Variants in PCDHA12 observed in about 807,000 individuals in gnomAD.
PCDHA12 encodes protocadherin alpha-12.
PCDHA12 carries 44 observed loss-of-function variants against 60.0 expected under a neutral mutation model. The observed-to-expected ratio is 0.73, with a 90% CI of 0.58 to 0.94. The LOEUF is 0.94. Among genes scored for constraint, PCDHA12 ranks in the 40% least tolerant of loss-of-function variants. The pLI is 0.00. For synonymous variants in PCDHA12, 569 were observed against 553.0 expected, an observed-to-expected ratio of 1.03 and a Z score of -0.40; for missense variants, 1,276 against 1,239.7, an observed-to-expected ratio of 1.03 and a Z score of -0.44.
chr5:140,926,919 A>C (rs782148872), intron 1 of PCDHA12: 2 of 1,566,668 alleles, frequency 1.3e-6, no homozygotes, highest in South Asian at 2.4e-5. Flanking sequence ...TGGCAGTTTT[A>C]TGTTTGTGGG....
At chr5:140,892,283 C>T (rs1554185144) in intron 1 of PCDHA12, among the ~76,000 whole-genome samples, 1 of 152,172 alleles carries the variant, frequency 6.6e-6, no homozygotes, top group African/African-American at 2.4e-5. Context: ...GTATTAAACA[C>T]TTCTTCCTGG....
At chr5:141,004,495 C>T (rs1363359146) in intron 3 of PCDHA12, among the ~76,000 whole-genome samples, 14 of 152,182 alleles carry the variant, frequency 9.2e-5, no homozygotes, top group Admixed American at 9.2e-4. Flanking sequence ...TCTTGGCAGT[C>T]CTGCTGTGAG....
At chr5:140,905,144 A>G (rs2071622994) in intron 1 of PCDHA12, among the ~76,000 whole-genome samples, 2 of 152,130 alleles carry the variant, frequency 1.3e-5, no homozygotes, top group African/African-American at 2.4e-5. Context: ...TTCTGCTGTT[A>G]TATTTTAGAA....
rs1280903830 is a variant in PCDHA12, at chr5:140,927,541, G to T, written c.2367+49702G>T. 4 of 1,613,996 alleles carry T rather than the reference G, an allele frequency of 2.5e-6. No homozygotes were observed. The East Asian group carries it at 6.7e-5, about 27-fold the overall frequency. On this transcript the variant is annotated intron_variant, in intron 1 of 3. Coordinates refer to ENST00000398631, the MANE Select transcript of PCDHA12 (RefSeq NM_018903.4). ...CGGGCTACCTGCCCGCTCAGGAGAC[G>T]CACAAGTCACCATCATTGTGGTGGA...
chr5:140,968,063 G>A, intron 1 of PCDHA12: 1 of 1,614,096 alleles, frequency 6.2e-7, no homozygotes. Flanking sequence ...AGAGCGGGTG[G>A]CTGTCTACAA....
At chr5:140,949,234 A>C (rs2094354068) in intron 1 of PCDHA12, among the ~76,000 whole-genome samples, 1 of 151,820 alleles carries the variant, frequency 6.6e-6, no homozygotes, top group South Asian at 2.1e-4. Flanking sequence ...TCTGTGGCCC[A>C]GCAACAGTCT....
At chr5:140,928,157 C>T (rs782528366) in intron 1 of PCDHA12, 9 of 1,614,200 alleles carry the variant, frequency 5.6e-6, no homozygotes, top group Non-Finnish European at 7.6e-6. Flanking sequence ...GATAGTGGCT[C>T]ACCCCCACTT....
intron 1 of PCDHA12, among the ~76,000 whole-genome samples, chr5:140,934,420 C>T (rs559621314): frequency 1.1e-4 from 16 of 152,184 alleles, no homozygotes; most frequent in Non-Finnish European, 1.8e-4. Flanking sequence ...TTTGCATTAT[C>T]AATGCAAGTG....
Position 140,876,775 on chromosome 5 carries a change from C to A in PCDHA12, c.1303C>A (p.Leu435Met), listed in dbSNP as rs373638459. The change falls in exon 1 of 4, where the codon CTG (leucine) becomes ATG (methionine). Residue 435 changes from leucine (L) to methionine (M), a missense_variant. By Grantham distance (15) the Leu-to-Met change is conservative. Coordinates refer to ENST00000398631, the MANE Select transcript of PCDHA12 (RefSeq NM_018903.4). The stretch of plus-strand genomic sequence containing the variant: ...TGCGCGGGATGGGGGCTCGCCTTCG[C>A]TGTGGGCCACGGCTAGAGTGTCCGT... ...VTARDGGSPSLWATARVSVEV... is the reference protein window; with the variant it reads ...VTARDGGSPSMWATARVSVEV... The A allele has an allele frequency of 1.9e-6, 3 of 1,614,130 alleles. No individual in the cohort carries two copies. Among genetic ancestry groups the A allele is most frequent in the Non-Finnish European group, 1.7e-6 (2 of 1,180,046 alleles).
intron 1 of PCDHA12, among the ~76,000 whole-genome samples, chr5:140,926,138 T>C (rs2082936633): frequency 6.6e-6 from 1 of 152,004 alleles, no homozygotes; most frequent in African/African-American, 2.4e-5. Flanking sequence ...CGCAGCAGGA[T>C]CCAGCGCGGA....
intron 3 of PCDHA12, among the ~76,000 whole-genome samples, chr5:140,993,766 C>T (rs567978996): frequency 9.2e-5 from 14 of 152,082 alleles, no homozygotes; most frequent in African/African-American, 1.7e-4. Context: ...ATTACAATTG[C>T]GCAGTATTTT....
chr5:141,006,794 A>G (rs1416356472), intron 3 of PCDHA12, among the ~76,000 whole-genome samples: 1 of 152,160 alleles, frequency 6.6e-6, no homozygotes, highest in African/African-American at 2.4e-5. Context: ...ATTAGCTTTG[A>G]ACTTTCTGGC....
At chr5:140,884,706 C>T (rs1554181856) in intron 1 of PCDHA12, 3 of 1,489,002 alleles carry the variant, frequency 2.0e-6, no homozygotes, top group Non-Finnish European at 8.9e-7. Flanking sequence ...ACACTTTAGC[C>T]TTCCTTGCAG....
At chr5:140,883,621 C>T (rs368758287) in intron 1 of PCDHA12, 80 of 1,613,850 alleles carry the variant, frequency 5.0e-5, no homozygotes, top group Non-Finnish European at 6.4e-5. Flanking sequence ...TGAACGACAA[C>T]GCGCCGGCGT....
intron 1 of PCDHA12, among the ~76,000 whole-genome samples, chr5:140,970,530 T>C (rs1554232541): frequency 6.6e-6 from 1 of 151,424 alleles, no homozygotes; most frequent in Non-Finnish European, 1.5e-5. Context: ...GATGAATATG[T>C]GTGTGTGTTT....
chr5:140,884,240 G>A (rs139927854), intron 1 of PCDHA12: 5 of 1,613,368 alleles, frequency 3.1e-6, no homozygotes, highest in African/African-American at 1.3e-5. Context: ...CGGTGAGCCC[G>A]CGCTGACGGC....
intron 1 of PCDHA12, chr5:140,967,902 C>T: frequency 6.2e-7 from 1 of 1,614,192 alleles, no homozygotes; most frequent in East Asian, 2.2e-5. Flanking sequence ...GAGAATGCTA[C>T]ACCCAACACC....
intron 1 of PCDHA12, chr5:140,928,259 A>G: frequency 6.2e-7 from 1 of 1,614,218 alleles, no homozygotes; most frequent in Non-Finnish European, 8.5e-7. Context: ...TTCGTTGCTG[A>G]AAACAATGGC....
At chr5:140,987,643 A>G (rs1205279586) in intron 3 of PCDHA12, among the ~76,000 whole-genome samples, 1 of 152,232 alleles carries the variant, frequency 6.6e-6, no homozygotes, top group Non-Finnish European at 1.5e-5. Context: ...ATGCACACAT[A>G]TTGCAGAATC....
Sources: allele counts gnomAD v4.1 joint callset (sites outside exome capture counted in the v4.1 genomes callset), GRCh38; gene constraint gnomAD v4.1.1; transcripts MANE v1.5; gene names NCBI Gene and HGNC (gene_info 2026-07-23, HGNC 2026-07-21).